Variants in RAMP3 observed in about 807,000 individuals in gnomAD.
The protein encoded by RAMP3 is receptor activity modifying protein 3.
Under a neutral mutation model 13.5 loss-of-function variants are expected in RAMP3, and 14 were observed. The observed-to-expected ratio is 1.04, with a 90% CI of 0.69 to 1.63. The LOEUF (loss-of-function observed/expected upper bound fraction) is 1.63, where lower values mean the gene tolerates loss of function less well. RAMP3 is among the 40% of genes most tolerant of loss of function. The pLI, the probability that RAMP3 is intolerant of heterozygous loss-of-function variation, is 0.00. For synonymous variants in RAMP3, 106 were observed against 88.3 expected (o/e 1.20, Z -1.12); for missense variants, 200 against 204.8 (o/e 0.98, Z 0.14).
intron 2 of RAMP3, among the ~76,000 whole-genome samples, chr7:45,179,361 C>T (rs1461963991): frequency 2.5e-5 from 3 of 120,240 alleles, no homozygotes; most frequent in Admixed American, 9.3e-5. Flanking sequence ...CTCCCAGTCA[C>T]GAGTCACTTC....
At chr7:45,176,911 A>C (rs1347782021) in intron 1 of RAMP3, among the ~76,000 whole-genome samples, 1 of 152,180 alleles carries the variant, frequency 6.6e-6, no homozygotes, top group East Asian at 1.9e-4. Context: ...GATGGTCCCC[A>C]GGTCTTAGAG....
chr7:45,179,409 C>T lies in RAMP3; in HGVS notation c.191+1968C>T, dbSNP rs1385409547. ...CTGGAAATCTGACCTAAGGCTCTGACCCTGAAGGACAGAGACCAGAGAGAT... is the reference window on the plus strand; with the variant it reads ...CTGGAAATCTGACCTAAGGCTCTGATCCTGAAGGACAGAGACCAGAGAGAT... On this transcript the variant is annotated intron_variant, in intron 2 of 2. Coordinates refer to ENST00000242249, the MANE Select transcript of RAMP3 (RefSeq NM_005856.3). Among the ~76,000 whole-genome samples the T allele has an allele frequency of 2.6e-5, 4 of 152,234 alleles. No homozygotes were observed. The South Asian group carries it at 6.2e-4, about 24-fold the overall frequency.
rs571075036 is a variant in RAMP3 at position 45,179,784 on chromosome 7, C to T, written c.191+2343C>T. Among the ~76,000 whole-genome samples the T allele has an allele frequency of 2.6e-5, 4 of 152,292 alleles. No individual in the cohort carries two copies. The South Asian group carries it at 6.2e-4, about 24-fold the overall frequency. ...TGAGCTTGCAGCCGGTGAGGGCTTG[C>T]CCGGTACTAGCACGAGGGAGGAAAA... On this transcript the variant is annotated intron_variant, in intron 2 of 2. Transcript: ENST00000242249.
intron 2 of RAMP3, among the ~76,000 whole-genome samples, chr7:45,180,748 G>T (rs1054098446): frequency 6.6e-6 from 1 of 152,254 alleles, no homozygotes; most frequent in African/African-American, 2.4e-5. Flanking sequence ...GGGAGAGGGA[G>T]TCTGACTGGG....
At chr7:45,171,427 A>T (rs558588751) in intron 1 of RAMP3, among the ~76,000 whole-genome samples, 19 of 152,298 alleles carry the variant, frequency 1.2e-4, no homozygotes, top group African/African-American at 3.6e-4. Context: ...AAGTTCTGGG[A>T]TTACAGGCGT....
rs1304527952 is a variant in RAMP3, at chr7:45,183,536, A to AGACCCCTCCCTTCCTGGGCT, written c.*129_*148dup. On this transcript the variant is annotated 3_prime_UTR_variant, in exon 3 of 3. Coordinates refer to ENST00000242249, the MANE Select transcript of RAMP3 (RefSeq NM_005856.3). ...GGCCACACCCCACCTGGTCATGGGC[A>AGACCCCTCCCTTCCTGGGCT]GACCCCTCCCTTCCTGGGCTGACCT... The AGACCCCTCCCTTCCTGGGCT allele has an allele frequency of 7.1e-7, 1 of 1,411,546 alleles. No homozygotes were observed. The highest frequency in any genetic ancestry group is 2.3e-5 in the East Asian group (1 of 43,296). 87.4% of individuals were successfully genotyped at this position (1,411,546 alleles called of 1,614,324 possible).
intron 1 of RAMP3, among the ~76,000 whole-genome samples, chr7:45,164,735 T>C (rs1785925333): frequency 6.6e-6 from 1 of 152,220 alleles, no homozygotes; most frequent in Non-Finnish European, 1.5e-5. Context: ...TATTTTTTGC[T>C]CCAAAACATA....
chr7:45,170,721 T>G (rs756472080), intron 1 of RAMP3, among the ~76,000 whole-genome samples: 12 of 152,014 alleles, frequency 7.9e-5, no homozygotes, highest in Non-Finnish European at 1.3e-4. Context: ...TCATGGCTCA[T>G]TTCAGCCTTG....
chr7:45,165,666 A>G (rs1202748966), intron 1 of RAMP3, among the ~76,000 whole-genome samples: 1 of 152,100 alleles, frequency 6.6e-6, no homozygotes, highest in Non-Finnish European at 1.5e-5. Context: ...ACAAAAATAA[A>G]CCCCCTACCC....
chr7:45,176,180 A>G (rs978030947), intron 1 of RAMP3, among the ~76,000 whole-genome samples: 1 of 152,144 alleles, frequency 6.6e-6, no homozygotes, highest in Non-Finnish European at 1.5e-5. Flanking sequence ...GGATGGGGAA[A>G]CTGAGGTTGA....
intron 2 of RAMP3, among the ~76,000 whole-genome samples, chr7:45,178,852 A>G (rs1170095061): frequency 1.3e-5 from 2 of 152,230 alleles, no homozygotes; most frequent in Admixed American, 1.3e-4. Flanking sequence ...ATGGGCATTT[A>G]GGAGCCAGTG....
At chr7:45,171,912 G>A (rs2128657035) in intron 1 of RAMP3, among the ~76,000 whole-genome samples, 1 of 152,350 alleles carries the variant, frequency 6.6e-6, no homozygotes, top group South Asian at 2.1e-4. Flanking sequence ...CACTGTATTG[G>A]ACTGGGGGAT....
intron 1 of RAMP3, among the ~76,000 whole-genome samples, chr7:45,172,173 G>A (rs944740372): frequency 1.4e-4 from 21 of 152,214 alleles, no homozygotes; most frequent in Non-Finnish European, 2.8e-4. Context: ...TGCCCAGAAA[G>A]AAGAGACCTC....
intron 1 of RAMP3, among the ~76,000 whole-genome samples, chr7:45,159,346 G>T (rs560327618): frequency 6.6e-6 from 1 of 152,306 alleles, no homozygotes; most frequent in East Asian, 1.9e-4. Context: ...GAGGTATCCG[G>T]GACTGGAACC....
intron 1 of RAMP3, among the ~76,000 whole-genome samples, chr7:45,160,012 T>G (rs1320038448): frequency 1.3e-5 from 2 of 152,200 alleles, no homozygotes; most frequent in Non-Finnish European, 2.9e-5. Context: ...CATGGTTGGA[T>G]AGCAGTAACT....
chr7:45,170,638 T>G (rs1369802523), intron 1 of RAMP3, among the ~76,000 whole-genome samples: 1 of 151,542 alleles, frequency 6.6e-6, no homozygotes, highest in South Asian at 2.1e-4. Flanking sequence ...CGCCCGGCCT[T>G]ATTTTATTTA....
At chr7:45,175,834 T>G (rs373407956) in intron 1 of RAMP3, among the ~76,000 whole-genome samples, 4 of 152,132 alleles carry the variant, frequency 2.6e-5, no homozygotes, top group East Asian at 1.9e-4. Flanking sequence ...GCTTCCAGGG[T>G]CTTCCCTAAT....
At chr7:45,177,626 C>T (rs892172023) in intron 2 of RAMP3, among the ~76,000 whole-genome samples, 185 bp downstream of exon 2, 32 of 152,152 alleles carry the variant, frequency 2.1e-4, no homozygotes, top group African/African-American at 6.8e-4. Context: ...GCCCCAACCA[C>T]GCTCCTATTC....
At chr7:45,172,877 G>T (rs1345028553) in intron 1 of RAMP3, among the ~76,000 whole-genome samples, 1 of 152,150 alleles carries the variant, frequency 6.6e-6, no homozygotes, top group African/African-American at 2.4e-5. Context: ...GTCCATCCAG[G>T]TCATGTGAAT....
Sources: gnomAD v4.1 joint callset for allele counts (sites outside exome capture counted in the v4.1 genomes callset) on GRCh38, gnomAD v4.1.1 for gene constraint, MANE v1.5 for transcripts, NCBI Gene and HGNC (gene_info 2026-07-23, HGNC 2026-07-21) for gene names.